HMCN1: variants seen among roughly 807,000 people sequenced by gnomAD.
HMCN1 encodes the protein hemicentin 1, also known as hemicentin-1.
A neutral mutation model predicts 625.9 loss-of-function variants in HMCN1; 321 were observed. That is an observed-to-expected ratio of 0.51 (90% CI 0.47 to 0.56). HMCN1 has a LOEUF of 0.56. HMCN1 is among the 20% of genes least tolerant of loss of function. The probability of loss-of-function intolerance (pLI) is 0.00; values close to 1 mark genes in which losing one functional copy is unlikely to be tolerated. For synonymous variants in HMCN1, 2,425 were observed against 2,417.6 expected (o/e 1.00, Z -0.09); for missense variants, 6,588 against 6,887.3 (o/e 0.96, Z 1.54).
chr1:186,089,012 T>C (rs1488024577), intron 63 of HMCN1, among the ~76,000 whole-genome samples: 1 of 152,026 alleles, frequency 6.6e-6, no homozygotes, highest in Admixed American at 6.6e-5. Context: ...TCCATTATTA[T>C]CTTTCTATAG....
intron 39 of HMCN1, 26 bp downstream of exon 39, chr1:186,039,905 C>T (rs777667092): frequency 1.9e-6 from 3 of 1,602,106 alleles, no homozygotes; most frequent in Non-Finnish European, 2.6e-6. Flanking sequence ...TCTTTGGTGA[C>T]ATTTACCACC....
At chr1:186,144,471 C>A in intron 90 of HMCN1, 62 bp from the exon 91 acceptor site, 1 of 1,611,700 alleles carries the variant, frequency 6.2e-7, no homozygotes, top group Non-Finnish European at 8.5e-7. Flanking sequence ...TAACAATGCC[C>A]AGAGTGTAAC....
At chr1:185,893,107 G>A in intron 4 of HMCN1, among the ~76,000 whole-genome samples, 1 of 152,224 alleles carries the variant, frequency 6.6e-6, no homozygotes, top group East Asian at 1.9e-4. Context: ...CTTTGATTAG[G>A]AAAGGGAACT....
intron 2 of HMCN1, among the ~76,000 whole-genome samples, chr1:185,859,313 A>G (rs899130522): frequency 1.3e-5 from 2 of 152,178 alleles, no homozygotes; most frequent in African/African-American, 4.8e-5. Flanking sequence ...CAACCTTACA[A>G]TTAACAGTCT....
chr1:186,039,625 TC>T, intron 38 of HMCN1, 102 bp from the exon 39 acceptor site: 1 of 1,277,474 alleles, frequency 7.8e-7, no homozygotes, highest in Non-Finnish European at 1.1e-6. Context: ...AAGCAAACCC[TC>T]CAATAAGAAC....
intron 81 of HMCN1, among the ~76,000 whole-genome samples, chr1:186,123,900 T>C (rs946965942): frequency 2.0e-5 from 3 of 152,124 alleles, no homozygotes; most frequent in Admixed American, 6.6e-5. Context: ...TGAAAGCTGT[T>C]TTATTTTTCA....
At chr1:185,804,575 A>G (rs1185748362) in intron 1 of HMCN1, among the ~76,000 whole-genome samples, 1 of 152,072 alleles carries the variant, frequency 6.6e-6, no homozygotes, top group Non-Finnish European at 1.5e-5. Context: ...GTGGATTTTT[A>G]AAAACAGGTT....
At chr1:186,070,366 G>A (rs552107362) in intron 51 of HMCN1, among the ~76,000 whole-genome samples, 20 of 152,284 alleles carry the variant, frequency 1.3e-4, no homozygotes, top group African/African-American at 4.8e-4. Context: ...GAAGCTAACT[G>A]TTCTGTAAAG....
intron 1 of HMCN1, among the ~76,000 whole-genome samples, chr1:185,791,001 T>G (rs1657952832): frequency 6.6e-6 from 1 of 152,210 alleles, no homozygotes; most frequent in South Asian, 2.1e-4. Context: ...CAAACTTATT[T>G]TTTTTCTTCA....
chr1:185,866,693 A>G (rs1663265922), intron 4 of HMCN1, among the ~76,000 whole-genome samples: 1 of 152,014 alleles, frequency 6.6e-6, no homozygotes, highest in Admixed American at 6.6e-5. Flanking sequence ...GGCATGAGCC[A>G]CCGCGTCTGG....
At chr1:186,145,675 G>T in intron 92 of HMCN1, 78 bp from the exon 93 acceptor site, 1 of 1,611,352 alleles carries the variant, frequency 6.2e-7, no homozygotes, top group Non-Finnish European at 8.5e-7. Flanking sequence ...AGTTGTATAG[G>T]CAGGGGCACC....
chr1:186,154,510 C>T (rs903092579), intron 97 of HMCN1, among the ~76,000 whole-genome samples: 2 of 152,090 alleles, frequency 1.3e-5, no homozygotes, highest in Non-Finnish European at 2.9e-5. Context: ...CAACAAAGAG[C>T]AAAACTCCAT....
At chr1:185,795,812 C>T (rs1257964236) in intron 1 of HMCN1, among the ~76,000 whole-genome samples, 1 of 152,150 alleles carries the variant, frequency 6.6e-6, no homozygotes, top group Non-Finnish European at 1.5e-5. Context: ...TGATGAAGGC[C>T]AAGTATCATG....
chr1:186,031,739 C>A (rs942866920), intron 36 of HMCN1, among the ~76,000 whole-genome samples: 3 of 151,998 alleles, frequency 2.0e-5, no homozygotes, highest in Admixed American at 1.3e-4. Context: ...GACCAATCTT[C>A]AAATTTGTTG....
At chr1:185,796,169 G>A (rs914506256) in intron 1 of HMCN1, among the ~76,000 whole-genome samples, 14 of 152,140 alleles carry the variant, frequency 9.2e-5, no homozygotes, top group Non-Finnish European at 1.9e-4. Flanking sequence ...TTCTATCTTA[G>A]AACATTAGGC....
At chr1:185,974,114 T>C (rs148834775) in intron 15 of HMCN1, among the ~76,000 whole-genome samples, 119 of 152,284 alleles carry the variant, frequency 7.8e-4, no homozygotes, top group African/African-American at 2.9e-3. Context: ...TACAGCAAAG[T>C]TATACTGTGG....
chr1:185,892,498 G>A (rs996487896), intron 4 of HMCN1, among the ~76,000 whole-genome samples: 1 of 151,906 alleles, frequency 6.6e-6, no homozygotes, highest in Non-Finnish European at 1.5e-5. Flanking sequence ...TGGTGTGGAT[G>A]TCCTTTCTGT....
chr1:186,150,735 G>A (rs1431785241), intron 93 of HMCN1, among the ~76,000 whole-genome samples: 4 of 152,016 alleles, frequency 2.6e-5, no homozygotes, highest in South Asian at 2.1e-4. Context: ...TCCTCATTCC[G>A]CCACTGTCTA....
chr1:186,126,121 T>G (rs936021649), intron 82 of HMCN1, among the ~76,000 whole-genome samples: 1 of 152,018 alleles, frequency 6.6e-6, no homozygotes, highest in African/African-American at 2.4e-5. Context: ...AGTAAATAAT[T>G]GTAATTTTTA....
Sources: gnomAD v4.1 joint callset for allele counts (sites outside exome capture counted in the v4.1 genomes callset) on GRCh38, gnomAD v4.1.1 for gene constraint, MANE v1.5 for transcripts, NCBI Gene and HGNC (gene_info 2026-07-23, HGNC 2026-07-21) for gene names.